The following STK32B variants were observed in gnomAD, a reference collection of about 807,000 sequenced individuals.
STK32B encodes serine/threonine kinase 32B.
In STK32B, 43 loss-of-function variants were observed where a neutral mutation model predicts 52.6. The ratio of observed to expected loss-of-function variants is 0.82; its 90% CI spans 0.64 to 1.05. STK32B has a LOEUF of 1.05. STK32B is among the 50% of genes least tolerant of loss of function. The pLI, the probability that STK32B is intolerant of heterozygous loss-of-function variation, is 0.00. For synonymous variants in STK32B, 238 were observed against 204.3 expected, an observed-to-expected ratio of 1.17 and a Z score of -1.41; for missense variants, 621 against 534.6, an observed-to-expected ratio of 1.16 and a Z score of -1.59.
chr4:5,021,499 G>A, the STK32B span, among the ~76,000 whole-genome samples: 1 of 152,138 alleles, frequency 6.6e-6, no homozygotes, highest in African/African-American at 2.4e-5. Context: ...CCCCAGCTGG[G>A]GACTCTAGGT....
At chr4:5,040,708 C>A in the STK32B span, among the ~76,000 whole-genome samples, 4 of 152,084 alleles carry the variant, frequency 2.6e-5, no homozygotes, top group Non-Finnish European at 5.9e-5. Flanking sequence ...ACTTTTAAGG[C>A]CTGTCTCCTG....
chr4:5,392,844 A>C lies in STK32B; in HGVS notation c.435-5363A>C, dbSNP rs566787668. 2.0e-5 allele frequency among the ~76,000 whole-genome samples: 3 copies of C among 152,280 alleles called. No individual in the cohort carries two copies. The East Asian group carries it at 5.8e-4, about 29-fold the overall frequency. ...AGATTGTCCCTGACACACAACCAAC[A>C]CTCAATAAAGTTTAGCTGTTAATAC... On this transcript the variant is annotated intron_variant, in intron 4 of 11. Transcript: ENST00000282908.
intron 3 of STK32B, among the ~76,000 whole-genome samples, chr4:5,329,286 G>T (rs1439773891): frequency 6.6e-6 from 1 of 152,126 alleles, no homozygotes; most frequent in Non-Finnish European, 1.5e-5. Flanking sequence ...TCCATGAGGA[G>T]CAGGGACTGT....
At chr4:5,428,235 G>C (rs1308829312) in intron 6 of STK32B, among the ~76,000 whole-genome samples, 1 of 151,902 alleles carries the variant, frequency 6.6e-6, no homozygotes, top group African/African-American at 2.4e-5. Flanking sequence ...GTGAAACCCC[G>C]TCTCTACTAA....
chr4:5,115,951 C>G (rs957250957), intron 1 of STK32B, among the ~76,000 whole-genome samples: 3 of 152,122 alleles, frequency 2.0e-5, no homozygotes, highest in Admixed American at 1.3e-4. Flanking sequence ...CAAAACCTCA[C>G]CAGGTTTTTG....
chr4:5,430,730 A>G (rs1713508812), intron 6 of STK32B, among the ~76,000 whole-genome samples: 1 of 152,190 alleles, frequency 6.6e-6, no homozygotes, highest in African/African-American at 2.4e-5. Context: ...CATTGAGTCA[A>G]TCTAATTAGT....
intron 4 of STK32B, among the ~76,000 whole-genome samples, chr4:5,365,076 A>G (rs1465084354): frequency 6.6e-6 from 1 of 152,002 alleles, no homozygotes; most frequent in African/African-American, 2.4e-5. Flanking sequence ...GGGTTTCACC[A>G]TGTTGGCCTG....
intron 2 of STK32B, among the ~76,000 whole-genome samples, chr4:5,148,624 T>C (rs1183835994): frequency 6.6e-6 from 1 of 151,814 alleles, no homozygotes; most frequent in African/African-American, 2.4e-5. Flanking sequence ...TTTGTATTAA[T>C]TGAGACTCAT....
chr4:5,401,252 G>A (rs918619424), intron 5 of STK32B, among the ~76,000 whole-genome samples: 15 of 152,278 alleles, frequency 9.9e-5, no homozygotes, highest in Middle Eastern at 3.4e-3. Context: ...CACCCCATTC[G>A]TGCTGGCATC....
chr4:5,395,232 C>A lies in STK32B; in HGVS notation c.435-2975C>A, dbSNP rs973421666. 2.6e-5 allele frequency among the ~76,000 whole-genome samples: 4 copies of A among 152,144 alleles called. No homozygotes were observed. Among genetic ancestry groups the A allele is most frequent in the Admixed American group, 2.6e-4 (4 of 15,280 alleles). On this transcript the variant is annotated intron_variant, in intron 4 of 11. Transcript: ENST00000282908. The surrounding 1 kb of genome is among the most constrained non-coding windows in gnomAD (Gnocchi z 4.4). ...AGAGTCATATAATGTAACATAATCC[C>A]GGGACTGCCATCCCACCAAGTTTGC...
chr4:5,079,894 A>G (rs1162957431), intron 1 of STK32B, among the ~76,000 whole-genome samples: 2 of 152,180 alleles, frequency 1.3e-5, no homozygotes, highest in Non-Finnish European at 2.9e-5. Context: ...TCTCACTTAT[A>G]TGTGATCTCT....
Position 5,453,122 on chromosome 4 carries a change from T to A in STK32B, c.667-3685T>A, listed in dbSNP as rs1239602109. Among the ~76,000 whole-genome samples the A allele has an allele frequency of 6.6e-6, 1 of 152,150 alleles. No homozygotes were observed. The highest frequency in any genetic ancestry group is 2.4e-5 in the African/African-American group (1 of 41,438). ...TGTTCCGAACTCATTTCTAAATGTA[T>A]TTCCTGCACTGGCTTCCTAGTGCAT... On this transcript the variant is annotated intron_variant, in intron 7 of 11. Coordinates refer to ENST00000282908, the MANE Select transcript of STK32B (RefSeq NM_018401.3). This position sits in a 1 kb window ranked among gnomAD's most constrained non-coding sequence, Gnocchi z 4.0.
chr4:5,281,508 G>A (rs1484179724), intron 3 of STK32B, among the ~76,000 whole-genome samples: 2 of 152,102 alleles, frequency 1.3e-5, no homozygotes, highest in Non-Finnish European at 2.9e-5. Flanking sequence ...CTAAACCCTA[G>A]ATTACAGGTT....
chr4:5,149,366 G>A (rs542404329), intron 2 of STK32B, among the ~76,000 whole-genome samples: 16 of 151,708 alleles, frequency 1.1e-4, no homozygotes, highest in Non-Finnish European at 2.1e-4. Context: ...GTCTATTGTT[G>A]TTTTATTTGT....
chr4:5,159,141 G>A (rs1337590199), intron 2 of STK32B, among the ~76,000 whole-genome samples: 1 of 152,166 alleles, frequency 6.6e-6, no homozygotes, highest in Non-Finnish European at 1.5e-5. Flanking sequence ...CATGGGCAGG[G>A]CTGCTTGGCT....
chr4:5,431,635 T>C (rs191571334), intron 6 of STK32B, among the ~76,000 whole-genome samples: 4 of 152,298 alleles, frequency 2.6e-5, no homozygotes, highest in Admixed American at 6.5e-5. Flanking sequence ...CAATTAAACA[T>C]TGTTTCCTCT....
At chr4:5,498,420 G>T (rs1720466961) in intron 11 of STK32B, among the ~76,000 whole-genome samples, 1 of 152,146 alleles carries the variant, frequency 6.6e-6, no homozygotes, top group African/African-American at 2.4e-5. Flanking sequence ...TTACTGGTGG[G>T]ATTCTTTGAT....
intron 3 of STK32B, among the ~76,000 whole-genome samples, chr4:5,282,598 A>T (rs10031896): frequency 0.02 from 3,050 of 152,196 alleles, 42 homozygotes; most frequent in East Asian, 0.072. Flanking sequence ...TTATGTGATG[A>T]GATGAAGTGA....
intron 8 of STK32B, chr4:5,458,494 A>G (rs945307241): frequency 1.3e-5 from 2 of 152,326 alleles, no homozygotes; most frequent in Non-Finnish European, 2.9e-5. Context: ...CATTCAACCA[A>G]TGCCACAGAG....
Sources: gnomAD v4.1 joint callset for allele counts (sites outside exome capture counted in the v4.1 genomes callset) on GRCh38, gnomAD v4.1.1 for gene constraint, Gnocchi (gnomAD v3.1) non-coding constraint, MANE v1.5 for transcripts, NCBI Gene and HGNC (gene_info 2026-07-23, HGNC 2026-07-21) for gene names.